PUM1: variants seen among roughly 807,000 people sequenced by gnomAD.
The protein encoded by PUM1 is pumilio RNA binding family member 1.
A neutral mutation model predicts 131.8 loss-of-function variants in PUM1; 13 were observed. That is an observed-to-expected ratio of 0.10 (90% CI 0.06 to 0.16). PUM1 has a LOEUF of 0.16. PUM1 is among the 10% of genes least tolerant of loss of function. PUM1 has a pLI of 1.00. For synonymous variants in PUM1, 509 were observed against 556.5 expected, an observed-to-expected ratio of 0.91 and a Z score of 1.20; for missense variants, 961 against 1,512.4, an observed-to-expected ratio of 0.64 and a Z score of 6.05.
At position 30,950,108 on chromosome 1, in the gene PUM1, AG is replaced by A. The variant is rs1639866428; in HGVS notation, c.2856+18del. 6.2e-7 allele frequency: 1 copy of A among 1,606,948 alleles called. No homozygotes were observed. Among genetic ancestry groups the A allele is most frequent in the Non-Finnish European group, 8.5e-7 (1 of 1,176,708 alleles). The stretch of plus-strand genomic sequence containing the variant: ...GAGAAACATCAAACACCAAGAGAAA[AG>A]TTAAAGGGGAAACTTACAATTACCT... On this transcript the variant is annotated intron_variant, in intron 17 of 21. Transcript: ENST00000426105.
chr1:30,954,245 T>C (rs1322222509), intron 14 of PUM1, among the ~76,000 whole-genome samples: 2 of 152,202 alleles, frequency 1.3e-5, no homozygotes, highest in Non-Finnish European at 2.9e-5. Context: ...ACAGTTAGCA[T>C]GGCCCCTAGT....
intron 2 of PUM1, among the ~76,000 whole-genome samples, chr1:31,052,074 G>A (rs1057066569): frequency 4.0e-5 from 6 of 151,854 alleles, no homozygotes; most frequent in Admixed American, 3.3e-4. Flanking sequence ...GGGCAGTGGT[G>A]CGATCTTGGC....
intron 17 of PUM1, chr1:30,949,143 C>A (rs750745395): frequency 6.7e-6 from 3 of 445,444 alleles, no homozygotes; most frequent in Non-Finnish European, 9.0e-6. Context: ...AGTCCATTAA[C>A]AAAGATTCTC....
At chr1:30,975,308 T>A (rs1641087081) in intron 9 of PUM1, among the ~76,000 whole-genome samples, 1 of 152,060 alleles carries the variant, frequency 6.6e-6, no homozygotes, top group African/African-American at 2.4e-5. Context: ...GACACTCAAC[T>A]GAACCTCCAC....
At chr1:30,934,152 T>C (rs1639098935) in intron 21 of PUM1, among the ~76,000 whole-genome samples, 1 of 152,212 alleles carries the variant, frequency 6.6e-6, no homozygotes, top group Non-Finnish European at 1.5e-5. Context: ...GCTGATCATT[T>C]CAAGAAGTCC....
At chr1:31,009,791 A>AAACAAAAACAAC (rs1157379117) in intron 3 of PUM1, among the ~76,000 whole-genome samples, 3 of 151,440 alleles carry the variant, frequency 2.0e-5, no homozygotes, top group African/African-American at 7.3e-5. Context: ...AAAAAAACAA[A>AAACAAAAACAAC]AACAGAAACA....
rs773461972 is a variant in PUM1 at position 30,992,484 on chromosome 1, A to G, written c.1064T>C (p.Met355Thr). ...TGAATAATCAAACTGAAGAGGCTCC[A>G]TGCCCACATGTTCCATGGGGTCCAA... is the stretch of plus-strand genomic sequence containing the variant. ...VPLDPMEHVG[M>T]EPLQFDYSGT... Residue 355 changes from methionine (M) to threonine (T), a missense_variant, in exon 7 of 22, where the codon ATG becomes ACG. By Grantham distance (81) the Met-to-Thr change is moderately conservative. Around this residue, in one of 4 missense-constraint regions of PUM1, gnomAD observed 654 missense variants for 923.9 expected, o/e 0.71. Coordinates refer to ENST00000426105, the MANE Select transcript of PUM1 (RefSeq NM_001020658.2). 1.9e-6 allele frequency: 3 copies of G among 1,614,232 alleles called. No individual in the cohort carries two copies. The highest frequency in any genetic ancestry group is 3.3e-5 in the Admixed American group (2 of 60,030).
At chr1:31,048,120 T>A (rs1028404322) in intron 2 of PUM1, among the ~76,000 whole-genome samples, 1 of 151,256 alleles carries the variant, frequency 6.6e-6, no homozygotes, top group Non-Finnish European at 1.5e-5. Flanking sequence ...GCGCCTATAG[T>A]CCCAGCTACT....
At chr1:30,966,331 CA>C (rs1413392669) in intron 12 of PUM1, 53 bp from the exon 13 acceptor site, 21 of 1,494,528 alleles carry the variant, frequency 1.4e-5, no homozygotes, top group Non-Finnish European at 1.8e-5. Flanking sequence ...GCCACATTTC[CA>C]AACTACATTT....
rs781463461 is a variant in PUM1, at chr1:30,936,626, T to C, written c.3435+17A>G. Reference sequence around the variant, plus strand: ...GCCTTGCACACTTTCTCTGAGACCCTGCCCAGCCCGGCCTACCTTATGCAT... The same window carrying C: ...GCCTTGCACACTTTCTCTGAGACCCCGCCCAGCCCGGCCTACCTTATGCAT... On this transcript the variant is annotated intron_variant, in intron 21 of 21. Transcript: ENST00000426105. The C allele has an allele frequency of 6.2e-7, 1 of 1,606,078 alleles. No individual in the cohort carries two copies. Among genetic ancestry groups the C allele is most frequent in the South Asian group, 1.1e-5 (1 of 89,826 alleles).
Position 30,958,074 on chromosome 1 carries a change from C to T in PUM1, c.2324-4093G>A, listed in dbSNP as rs571015401. On this transcript the variant is annotated intron_variant, in intron 14 of 21. Transcript: ENST00000426105. ...TTCAGAATGGGGAAATACCTAAACA[C>T]ATACATGACTACTGCTTACTGGCCA... Among the ~76,000 whole-genome samples, 3 of 152,296 alleles carry T rather than the reference C, an allele frequency of 2.0e-5. No homozygotes were observed. In the South Asian group the frequency reaches 6.2e-4, roughly 32 times the overall value.
At chr1:30,967,067 C>A in intron 12 of PUM1, 100 bp downstream of exon 12, 1 of 1,394,416 alleles carries the variant, frequency 7.2e-7, no homozygotes. Context: ...AACCGATATA[C>A]TGAGAATTGC....
intron 21 of PUM1, among the ~76,000 whole-genome samples, chr1:30,934,997 G>A (rs181085684): frequency 4.1e-4 from 62 of 152,170 alleles, no homozygotes; most frequent in Admixed American, 1.3e-3. Flanking sequence ...GACTCTCCCC[G>A]TCAACTCCCT....
chr1:30,989,439 G>T (rs1641692384), intron 7 of PUM1, among the ~76,000 whole-genome samples: 1 of 151,884 alleles, frequency 6.6e-6, no homozygotes, highest in South Asian at 2.1e-4. Context: ...AGGCACAGTG[G>T]TGGGTGTCTG....
At chr1:31,032,049 T>G (rs1487271746) in intron 2 of PUM1, among the ~76,000 whole-genome samples, 1 of 152,166 alleles carries the variant, frequency 6.6e-6, no homozygotes, top group Non-Finnish European at 1.5e-5. Flanking sequence ...CCTCTTACAG[T>G]CAATTGTTGA....
At chr1:30,993,525 C>T (rs1641874857) in intron 6 of PUM1, among the ~76,000 whole-genome samples, 1 of 152,026 alleles carries the variant, frequency 6.6e-6, no homozygotes, top group Non-Finnish European at 1.5e-5. Flanking sequence ...CAATGCCCTT[C>T]TTCTCCACCT....
At chr1:31,065,337 G>A (rs1053725358) in intron 1 of PUM1, among the ~76,000 whole-genome samples, 1 of 152,128 alleles carries the variant, frequency 6.6e-6, no homozygotes, top group South Asian at 2.1e-4. Context: ...AAAATGTAGA[G>A]GCACGTCTAC....
At chr1:30,967,133 TCTCTGGCAG>T in intron 12 of PUM1, 25 bp downstream of exon 12, 1 of 1,608,028 alleles carries the variant, frequency 6.2e-7, no homozygotes, top group Non-Finnish European at 8.5e-7. Context: ...CACTTTTAGA[TCTCTGGCAG>T]GAGTCCACTC....
chr1:30,945,884 C>T (rs1470511903), intron 17 of PUM1, among the ~76,000 whole-genome samples: 1 of 152,190 alleles, frequency 6.6e-6, no homozygotes, highest in African/African-American at 2.4e-5. Flanking sequence ...CTCCCAGGTT[C>T]AAGCAATTCT....
Sources: allele counts gnomAD v4.1 joint callset (sites outside exome capture counted in the v4.1 genomes callset), GRCh38; gene constraint gnomAD v4.1.1; regional missense constraint gnomAD v4.1.1; transcripts MANE v1.5; gene names NCBI Gene and HGNC (gene_info 2026-07-23, HGNC 2026-07-21).